NUBPL: variants seen among roughly 807,000 people sequenced by gnomAD.
NUBPL encodes the protein NUBP iron-sulfur cluster assembly factor, mitochondrial.
In NUBPL, 31 loss-of-function variants were observed where a neutral mutation model predicts 45.7. The observed-to-expected ratio is 0.68, with a 90% CI of 0.51 to 0.92. The LOEUF is 0.92. NUBPL is among the 40% of genes least tolerant of loss of function. The pLI is 0.00. For missense variants in NUBPL, 401 were observed against 398.7 expected (o/e 1.01, Z -0.05); for synonymous variants, 144 against 140.9 (o/e 1.02, Z -0.15).
At chr14:31,607,949 A>T (rs1465645818) in intron 4 of NUBPL, among the ~76,000 whole-genome samples, 1 of 152,220 alleles carries the variant, frequency 6.6e-6, no homozygotes, top group Non-Finnish European at 1.5e-5. Flanking sequence ...TTAATAATCA[A>T]ACTCCCAAAG....
chr14:31,592,559 G>A (rs1566433198), intron 3 of NUBPL, among the ~76,000 whole-genome samples: 1 of 151,876 alleles, frequency 6.6e-6, no homozygotes, highest in Admixed American at 6.6e-5. Context: ...CATATGTCCC[G>A]TGCAATATTT....
chr14:31,817,420 G>T (rs557246802), intron 7 of NUBPL, among the ~76,000 whole-genome samples: 31 of 152,240 alleles, frequency 2.0e-4, no homozygotes, highest in African/African-American at 7.0e-4. Flanking sequence ...GTTAAGGGCA[G>T]CCAGAGAGAA....
In NUBPL at chr14:31,705,926, G is replaced by A. The variant is rs114417518; in HGVS notation, c.513+32352G>A. Reference sequence around the variant, plus strand: ...CCGAGCCTGTGCTCACCTGGAACCCGCACTGGCCTGCGAGTGCTGCACGAA... The same window carrying A: ...CCGAGCCTGTGCTCACCTGGAACCCACACTGGCCTGCGAGTGCTGCACGAA... On this transcript the variant is annotated intron_variant, in intron 6 of 10. Coordinates refer to ENST00000281081, the MANE Select transcript of NUBPL (RefSeq NM_025152.3). Among the ~76,000 whole-genome samples the A allele has an allele frequency of 3.5e-3, 526 of 152,286 alleles. 3 individuals carry two copies. Among genetic ancestry groups the A allele is most frequent in the African/African-American group, 0.012 (488 of 41,578 alleles).
chr14:31,722,538 G>A (rs575136507), intron 6 of NUBPL, among the ~76,000 whole-genome samples: 8 of 152,252 alleles, frequency 5.3e-5, no homozygotes, highest in African/African-American at 1.9e-4. Flanking sequence ...CAATGGTTGA[G>A]CAAATTTACA....
intron 4 of NUBPL, among the ~76,000 whole-genome samples, chr14:31,655,353 A>G (rs1371287442): frequency 1.3e-5 from 2 of 152,222 alleles, no homozygotes; most frequent in Non-Finnish European, 2.9e-5. Context: ...GACAACATTC[A>G]TCTGATTGCA....
chr14:31,738,958 A>G (rs2038218089), intron 6 of NUBPL, among the ~76,000 whole-genome samples: 2 of 151,806 alleles, frequency 1.3e-5, no homozygotes, highest in South Asian at 4.1e-4. Context: ...TCTATTATAT[A>G]TGAAACTGAT....
At chr14:31,669,021 A>G (rs1403987924) in intron 4 of NUBPL, among the ~76,000 whole-genome samples, 1 of 152,046 alleles carries the variant, frequency 6.6e-6, no homozygotes, top group Non-Finnish European at 1.5e-5. Context: ...TTAAATTTTA[A>G]AATGATTTTA....
chr14:31,688,830 A>G (rs2037027399), intron 6 of NUBPL, among the ~76,000 whole-genome samples: 2 of 151,826 alleles, frequency 1.3e-5, no homozygotes, highest in African/African-American at 4.8e-5. Context: ...TCCACCCTCA[A>G]GTAGGCCCCA....
intron 6 of NUBPL, among the ~76,000 whole-genome samples, chr14:31,766,378 A>G (rs1168212136): frequency 6.6e-6 from 1 of 152,192 alleles, no homozygotes; most frequent in Non-Finnish European, 1.5e-5. Context: ...GTTGGAAGGC[A>G]GAACATTTAG....
chr14:31,816,487 G>C (rs913073126), intron 7 of NUBPL, among the ~76,000 whole-genome samples: 7 of 151,984 alleles, frequency 4.6e-5, no homozygotes, highest in Non-Finnish European at 1.0e-4. Context: ...TCAGCTCCTA[G>C]ATTCATGGAT....
At chr14:31,672,273 ATGTGTGTGTGTGTG>A (rs3035682) in intron 4 of NUBPL, among the ~76,000 whole-genome samples, 6 of 148,212 alleles carry the variant, frequency 4.0e-5, no homozygotes, top group East Asian at 2.0e-4. Flanking sequence ...CTGATTAGAT[ATGTGTGTGTGTGTG>A]TGTGTGTGTG....
chr14:31,705,900 G>C (rs955248484), intron 6 of NUBPL, among the ~76,000 whole-genome samples: 2 of 152,180 alleles, frequency 1.3e-5, no homozygotes, highest in African/African-American at 4.8e-5. Context: ...TGCAGGGCCT[G>C]CCGAGCCTGT....
intron 7 of NUBPL, among the ~76,000 whole-genome samples, chr14:31,790,057 A>C (rs934247128): frequency 1.3e-5 from 2 of 152,222 alleles, no homozygotes; most frequent in South Asian, 4.1e-4. Context: ...AAATACTTGC[A>C]TTATTCATAT....
intron 4 of NUBPL, among the ~76,000 whole-genome samples, chr14:31,619,853 C>T (rs1160407551): frequency 6.6e-6 from 1 of 152,024 alleles, no homozygotes; most frequent in Non-Finnish European, 1.5e-5. Context: ...TGGGGGAGTT[C>T]TCCTGGAAAA....
intron 6 of NUBPL, among the ~76,000 whole-genome samples, chr14:31,747,700 T>C (rs145304018): frequency 6.6e-6 from 1 of 152,192 alleles, no homozygotes; most frequent in South Asian, 2.1e-4. Flanking sequence ...GGGTCTTCTC[T>C]CATTTTTCCT....
intron 6 of NUBPL, among the ~76,000 whole-genome samples, chr14:31,745,816 C>G (rs953992093): frequency 6.6e-6 from 1 of 151,892 alleles, no homozygotes; most frequent in African/African-American, 2.4e-5. Context: ...ACCCTGAAAA[C>G]AGGACGGGAA....
At chr14:31,661,537 C>A (rs963582749) in intron 4 of NUBPL, among the ~76,000 whole-genome samples, 3 of 152,148 alleles carry the variant, frequency 2.0e-5, no homozygotes, top group African/African-American at 7.2e-5. Context: ...CATTTCATTT[C>A]TGGTAATTTT....
chr14:31,668,262 G>A (rs2036486026), intron 4 of NUBPL, among the ~76,000 whole-genome samples: 1 of 152,206 alleles, frequency 6.6e-6, no homozygotes, highest in Non-Finnish European at 1.5e-5. Flanking sequence ...CCTGCCCAGT[G>A]AGGAGGAATC....
At chr14:31,702,564 T>A (rs2037363261) in intron 6 of NUBPL, among the ~76,000 whole-genome samples, 1 of 152,102 alleles carries the variant, frequency 6.6e-6, no homozygotes, top group Non-Finnish European at 1.5e-5. Context: ...GTTTCCAAAA[T>A]GAATGTATGT....
Sources: allele counts gnomAD v4.1 joint callset (sites outside exome capture counted in the v4.1 genomes callset), GRCh38; gene constraint gnomAD v4.1.1; transcripts MANE v1.5; gene names NCBI Gene and HGNC (gene_info 2026-07-23, HGNC 2026-07-21).